Variants in DCP1B observed in about 807,000 individuals in gnomAD.
The protein encoded by DCP1B is decapping mRNA 1B, also known as mRNA-decapping enzyme 1B.
In DCP1B, 47 loss-of-function variants were observed where a neutral mutation model predicts 60.5. That is an observed-to-expected ratio of 0.78 (90% CI 0.61 to 0.99). The LOEUF (loss-of-function observed/expected upper bound fraction) is 0.99, where lower values mean the gene tolerates loss of function less well. Among genes scored for constraint, DCP1B ranks in the 50% least tolerant of loss-of-function variants. The pLI is 0.00. For synonymous variants in DCP1B, 267 were observed against 280.3 expected, an observed-to-expected ratio of 0.95 and a Z score of 0.47; for missense variants, 725 against 756.8, an observed-to-expected ratio of 0.96 and a Z score of 0.49.
intron 7 of DCP1B, among the ~76,000 whole-genome samples, chr12:1,951,451 C>CAAT (rs1206010884): frequency 6.6e-6 from 1 of 152,164 alleles, no homozygotes; most frequent in Non-Finnish European, 1.5e-5. Flanking sequence ...GGCAGATGAT[C>CAAT]AATAGCTTGT....
chr12:1,976,913 GGAA>G (rs1166275274), intron 3 of DCP1B, among the ~76,000 whole-genome samples: 1 of 152,012 alleles, frequency 6.6e-6, no homozygotes. Context: ...AGGAAAAAAG[GGAA>G]GAAGAAAAGT....
At position 1,952,840 on chromosome 12, in the gene DCP1B, T is replaced by C. The variant is rs1283136588; in HGVS notation, c.1100A>G (p.Asn367Ser). The change falls in exon 7 of 9, where the codon AAC (asparagine) becomes AGC (serine). Residue 367 changes from asparagine to serine, a missense_variant. Coordinates refer to ENST00000280665, the MANE Select transcript of DCP1B (RefSeq NM_152640.5). ...TGCTGGTGTACTAGGGTCACACTTG[T>C]TTGCTGCCCCTGGGGTACTCTGAAG... ...EKLQSTPGAA[N>S]KCDPSTPAPA... is the part of the protein sequence containing the mutation. 1 of 1,614,064 alleles carries C rather than the reference T, an allele frequency of 6.2e-7. No individual in the cohort carries two copies.
chr12:1,991,666 T>A, intron 3 of DCP1B: 1 of 175,172 alleles, frequency 5.7e-6, no homozygotes, highest in Non-Finnish European at 1.2e-5. Context: ...ACTATCATAG[T>A]GGACAGCACA....
At position 1,953,259 on chromosome 12, in the gene DCP1B, G is replaced by C; in HGVS notation, c.681C>G (p.Ser227=). 3 of 1,601,562 alleles carry C rather than the reference G, an allele frequency of 1.9e-6. No individual in the cohort carries two copies. Among genetic ancestry groups the C allele is most frequent in the Middle Eastern group, 3.3e-4 (2 of 6,052 alleles). ...QTLDPEPQHL[S]LTALFGKQDK... ...CCTGCTTCCCAAACAGAGCTGTCAA[G>C]GATAAGTGTTGGGGTTCAGGGTCTA... Residue 227 remains serine, a synonymous_variant, in exon 7 of 9, where the codon TCC becomes TCG. Coordinates refer to ENST00000280665, the MANE Select transcript of DCP1B (RefSeq NM_152640.5).
At chr12:1,997,513 C>T (rs954891047) in intron 2 of DCP1B, among the ~76,000 whole-genome samples, 1 of 152,258 alleles carries the variant, frequency 6.6e-6, no homozygotes. Context: ...GGTGACAGAG[C>T]GAGACTCCAT....
At chr12:1,987,030 C>T (rs929973616) in intron 3 of DCP1B, among the ~76,000 whole-genome samples, 1 of 152,150 alleles carries the variant, frequency 6.6e-6, no homozygotes, top group Non-Finnish European at 1.5e-5. Flanking sequence ...AGAGAAGCTA[C>T]AGAACCACTC....
chr12:1,979,524 C>A (rs1055408109), intron 3 of DCP1B, among the ~76,000 whole-genome samples: 1 of 152,158 alleles, frequency 6.6e-6, no homozygotes, highest in Non-Finnish European at 1.5e-5. Flanking sequence ...GTTGGCCAGG[C>A]TCGTCTCGAA....
intron 5 of DCP1B, among the ~76,000 whole-genome samples, chr12:1,961,551 C>G (rs1173423124): frequency 1.3e-5 from 2 of 152,172 alleles, no homozygotes; most frequent in Admixed American, 6.5e-5. Flanking sequence ...TATAACAAAT[C>G]TGTGAGGGCA....
At chr12:1,992,002 C>A in intron 3 of DCP1B, 2 of 266,796 alleles carry the variant, frequency 7.5e-6, no homozygotes, top group Non-Finnish European at 8.0e-6. Flanking sequence ...CCTGACATAA[C>A]TATAAGCACA....
intron 3 of DCP1B, among the ~76,000 whole-genome samples, chr12:1,975,984 T>C (rs991183255): frequency 9.9e-5 from 15 of 152,178 alleles, no homozygotes; most frequent in African/African-American, 3.6e-4. Flanking sequence ...AGGAACTATC[T>C]GGTGTCACAA....
In DCP1B at chr12:1,952,432, T is replaced by C. The variant is rs779042119; in HGVS notation, c.1508A>G (p.Gln503Arg). The C allele has an allele frequency of 1.9e-6, 3 of 1,593,256 alleles. No homozygotes were observed. The South Asian group carries it at 3.4e-5, about 18-fold the overall frequency. ...WINKTPNTEQQTPLFQVISPQ... is the reference protein window; with the variant it reads ...WINKTPNTEQRTPLFQVISPQ... ...CATATTTACCTGGAAAAGAGGAGTC[T>C]GCTGTTCTGTGTTGGGTGTCTTGTT... The change falls in exon 7 of 9, where the codon CAG becomes CGG. Residue 503 changes from glutamine to arginine, a missense_variant. Coordinates refer to ENST00000280665, the MANE Select transcript of DCP1B (RefSeq NM_152640.5).
At chr12:1,988,489 G>C (rs1035014667) in intron 3 of DCP1B, among the ~76,000 whole-genome samples, 6 of 152,206 alleles carry the variant, frequency 3.9e-5, no homozygotes, top group Admixed American at 1.3e-4. Context: ...ATAGCCAACA[G>C]AGCAAAGATA....
At chr12:1,944,921 A>G (rs1336583253), downstream of DCP1B, among the ~76,000 whole-genome samples, 2 of 152,254 alleles carry the variant, frequency 1.3e-5, no homozygotes, top group Non-Finnish European at 2.9e-5. Flanking sequence ...AACAAAAGCC[A>G]AAATTGACAA....
chr12:1,955,392 C>A, intron 6 of DCP1B, 40 bp downstream of exon 6: 1 of 1,588,576 alleles, frequency 6.3e-7, no homozygotes, highest in South Asian at 1.2e-5. Context: ...TTTAAGAATT[C>A]TAGAGACACA....
At chr12:1,969,840 A>C (rs1016755969) in intron 3 of DCP1B, among the ~76,000 whole-genome samples, 1 of 152,300 alleles carries the variant, frequency 6.6e-6, no homozygotes, top group Non-Finnish European at 1.5e-5. Context: ...CTTTAACCTT[A>C]GTTACAAAAC....
chr12:1,952,281 C>T, intron 7 of DCP1B, 135 bp downstream of exon 7: 1 of 1,108,590 alleles, frequency 9.0e-7, no homozygotes, highest in Non-Finnish European at 1.2e-6. Context: ...TCAAGGGATC[C>T]TCCCACCTCA....
chr12:1,949,719 C>T, intron 7 of DCP1B, among the ~76,000 whole-genome samples: 1 of 152,212 alleles, frequency 6.6e-6, no homozygotes. Flanking sequence ...AGGGGCCTCC[C>T]CATTTCCCCT....
chr12:1,984,546 C>G (rs1041909639), intron 3 of DCP1B, among the ~76,000 whole-genome samples: 10 of 151,934 alleles, frequency 6.6e-5, no homozygotes, highest in African/African-American at 2.4e-4. Context: ...TCACATGTAT[C>G]ACATCCGTAT....
chr12:2,000,909 C>A (rs146813825), intron 1 of DCP1B, among the ~76,000 whole-genome samples: 2,685 of 152,094 alleles, frequency 0.018, 80 homozygotes, highest in African/African-American at 0.059. Context: ...TGGTGGCAGG[C>A]GCCTGTAATC....
Sources: gnomAD v4.1 joint callset for allele counts (sites outside exome capture counted in the v4.1 genomes callset) on GRCh38, gnomAD v4.1.1 for gene constraint, MANE v1.5 for transcripts, NCBI Gene and HGNC (gene_info 2026-07-23, HGNC 2026-07-21) for gene names.